Variants in COL4A3 observed in about 807,000 individuals in gnomAD.
COL4A3 encodes the protein collagen type IV alpha 3 chain, also known as collagen alpha-3(IV) chain.
COL4A3 carries 135 observed loss-of-function variants against 217.4 expected under a neutral mutation model. That is an observed-to-expected ratio of 0.62 (90% CI 0.54 to 0.72). The LOEUF (loss-of-function observed/expected upper bound fraction) is 0.72. COL4A3 is among the 30% of genes least tolerant of loss of function. COL4A3 has a pLI of 0.00. For synonymous variants in COL4A3, 690 were observed against 736.3 expected (o/e 0.94, Z 1.02); for missense variants, 1,868 against 2,119.9 (o/e 0.88, Z 2.33).
intron 1 of COL4A3, among the ~76,000 whole-genome samples, chr2:227,200,506 T>C (rs1365785985): frequency 6.6e-6 from 1 of 152,184 alleles, no homozygotes; most frequent in Non-Finnish European, 1.5e-5. Context: ...GCCTAAAGAA[T>C]GCATATAGAT....
In COL4A3 at chr2:227,289,254, G is replaced by A. The variant is rs368497326; in HGVS notation, c.2980+6G>A. The A allele has an allele frequency of 3.7e-6, 6 of 1,609,028 alleles. No homozygotes were observed. In the African/African-American group the frequency reaches 5.3e-5, roughly 14 times the overall value. Reference sequence around the variant, plus strand: ...CGGACCAGCAGGACCACCAGGTACAGCTGATTCTCAAATAGAAAAATATCA... The same window carrying A: ...CGGACCAGCAGGACCACCAGGTACAACTGATTCTCAAATAGAAAAATATCA... On this transcript the variant is annotated splice_donor_region_variant and intron_variant, in intron 35 of 51. Transcript: ENST00000396578.
intron 22 of COL4A3, among the ~76,000 whole-genome samples, 178 bp from the exon 23 acceptor site, chr2:227,266,815 T>C (rs1326231362): frequency 1.3e-5 from 2 of 152,220 alleles, no homozygotes; most frequent in Non-Finnish European, 1.5e-5. Context: ...GCTCAGAACA[T>C]TAAAGTAAGC....
At position 227,256,328 on chromosome 2, in the gene COL4A3, T is replaced by G; in HGVS notation, c.934-15T>G. ...CTGTGTCTTCTGACCCATTTCTTTTTGTTCTTTTCTTTAGGGAGTCAAGGG... is the reference window on the plus strand; with the variant it reads ...CTGTGTCTTCTGACCCATTTCTTTTGGTTCTTTTCTTTAGGGAGTCAAGGG... On this transcript the variant is annotated splice_polypyrimidine_tract_variant and intron_variant, in intron 16 of 51. Coordinates refer to ENST00000396578, the MANE Select transcript of COL4A3 (RefSeq NM_000091.5). The G allele has an allele frequency of 6.2e-7, 1 of 1,613,260 alleles. No homozygotes were observed. Among genetic ancestry groups the G allele is most frequent in the East Asian group, 2.2e-5 (1 of 44,858 alleles).
intron 1 of COL4A3, among the ~76,000 whole-genome samples, chr2:227,169,767 G>A (rs1313082232): frequency 6.6e-6 from 1 of 152,028 alleles, no homozygotes; most frequent in East Asian, 1.9e-4. Flanking sequence ...ATTTGTTTGA[G>A]TTCATTGTAG....
chr2:227,282,762 C>T lies in COL4A3; in HGVS notation c.2656+230C>T, dbSNP rs375287418. Among the ~76,000 whole-genome samples the T allele has an allele frequency of 1.1e-4, 17 of 152,238 alleles. 1 individual carries two copies. In the South Asian group the frequency reaches 1.2e-3, roughly 11 times the overall value. ...TTTGCTGTGTAATCCTTTTTATATA[C>T]GACTACTATAATATACTTGCTAGTA... On this transcript the variant is annotated intron_variant, in intron 32 of 51. Coordinates refer to ENST00000396578, the MANE Select transcript of COL4A3 (RefSeq NM_000091.5). This position sits in a 1 kb window ranked among gnomAD's most constrained non-coding sequence, Gnocchi z 4.4.
chr2:227,257,919 C>G (rs905594128), intron 18 of COL4A3, among the ~76,000 whole-genome samples: 1 of 152,162 alleles, frequency 6.6e-6, no homozygotes, highest in Non-Finnish European at 1.5e-5. Context: ...CAAGGTGATC[C>G]TGCCCCTTCA....
intron 37 of COL4A3, among the ~76,000 whole-genome samples, chr2:227,292,216 A>G (rs1366940663): frequency 6.6e-6 from 1 of 152,190 alleles, no homozygotes; most frequent in Admixed American, 6.5e-5. Context: ...TCCACCAGCT[A>G]TAGTCTCCAG....
chr2:227,309,209 C>G lies in COL4A3; in HGVS notation c.4646C>G (p.Thr1549Ser). Reference sequence around the variant, plus strand: ...GTCTTTGTTTCATGTTACAGATGCACTGTTTGTGAAGGTCCTGCGATCGCC... The same window carrying G: ...GTCTTTGTTTCATGTTACAGATGCAGTGTTTGTGAAGGTCCTGCGATCGCC... ...RALEPYISRCTVCEGPAIAIA... is the reference protein window; with the variant it reads ...RALEPYISRCSVCEGPAIAIA... Residue 1549 changes from threonine (T) to serine (S), a missense_variant, in exon 50 of 52, where the codon ACT (threonine) becomes AGT (serine). Around this residue, in one of 2 missense-constraint regions of COL4A3, gnomAD observed 1,503 missense variants for 1,786.1 expected, o/e 0.84. Coordinates refer to ENST00000396578, the MANE Select transcript of COL4A3 (RefSeq NM_000091.5). 6.2e-7 allele frequency: 1 copy of G among 1,614,156 alleles called. No homozygotes were observed. Among genetic ancestry groups the G allele is most frequent in the Non-Finnish European group, 8.5e-7 (1 of 1,179,968 alleles).
chr2:227,277,423 G>A, intron 27 of COL4A3, 26 bp from the exon 28 acceptor site: 1 of 1,373,114 alleles, frequency 7.3e-7, no homozygotes, highest in Non-Finnish European at 1.0e-6. Context: ...CTGATGTGGA[G>A]ATGCATATGT....
At chr2:227,249,230 A>ATATATATTTTTTTTT in intron 9 of COL4A3, among the ~76,000 whole-genome samples, 6 of 14,692 alleles carry the variant, frequency 4.1e-4, no homozygotes, top group African/African-American at 8.0e-4. Context: ...ATATATATAT[A>ATATATATTTTTTTTT]TTTTTTTTTT....
In COL4A3 at chr2:227,282,286, A is replaced by ATG. The variant is rs1271471931; in HGVS notation, c.2489-78_2489-77insGT. 1 of 589,644 alleles carries ATG rather than the reference A, an allele frequency of 1.7e-6. No individual in the cohort carries two copies. Among genetic ancestry groups the ATG allele is most frequent in the African/African-American group, 2.1e-5 (1 of 48,024 alleles). 36.5% of individuals were successfully genotyped at this position (589,644 alleles called of 1,614,324 possible). On this transcript the variant is annotated intron_variant, in intron 31 of 51. Coordinates refer to ENST00000396578, the MANE Select transcript of COL4A3 (RefSeq NM_000091.5). The surrounding 1 kb of genome is among the most constrained non-coding windows in gnomAD (Gnocchi z 4.4). ...GATTCCATCTTAAAAATATATATAT[A>ATG]TATATATATATATATTTCTGAAGTT...
chr2:227,260,395 T>TA (rs2070477941), intron 19 of COL4A3, among the ~76,000 whole-genome samples: 1 of 152,216 alleles, frequency 6.6e-6, no homozygotes, highest in South Asian at 2.1e-4. Context: ...TGGGAACTTC[T>TA]ATAATGGCCT....
In COL4A3 at chr2:227,251,454, T is replaced by TCAC; in HGVS notation, c.645+84_645+86dup. On this transcript the variant is annotated intron_variant, in intron 11 of 51. Transcript: ENST00000396578. ...AACCTGGTCTGCTTCTTCATGTGGG[T>TCAC]CACTGTTAGGCACCTCTCTGGAACT... 2.3e-6 allele frequency: 3 copies of TCAC among 1,315,286 alleles called. No individual in the cohort carries two copies. In the South Asian group the frequency reaches 3.7e-5, roughly 16 times the overall value. The allele number at this position is 1,315,286 out of a possible 1,614,324, so 81.5% of individuals were successfully genotyped here. A position where few individuals can be genotyped will look rare whatever the true frequency, so the allele number is the denominator to read the frequency against.
At chr2:227,263,096 TA>T (rs11377072) in intron 20 of COL4A3, among the ~76,000 whole-genome samples, 1 of 152,054 alleles carries the variant, frequency 6.6e-6, no homozygotes, top group East Asian at 1.9e-4. Context: ...AAAATATGAT[TA>T]AAAAAATACA....
chr2:227,246,070 A>C (rs1574674236), intron 6 of COL4A3, 54 bp downstream of exon 6: 2 of 1,402,770 alleles, frequency 1.4e-6, no homozygotes, highest in East Asian at 4.6e-5. Flanking sequence ...GAATGATTAA[A>C]TCAAGGTGAA....
intron 1 of COL4A3, among the ~76,000 whole-genome samples, chr2:227,212,981 CTT>C (rs1456287647): frequency 9.2e-5 from 14 of 152,188 alleles, no homozygotes; most frequent in African/African-American, 3.1e-4. Context: ...AAACATGGCT[CTT>C]GACTCAATAA....
intron 1 of COL4A3, among the ~76,000 whole-genome samples, chr2:227,174,163 T>TTAGCATTGTAATTTGAC (rs1289751764): frequency 6.6e-6 from 1 of 152,236 alleles, no homozygotes; most frequent in African/African-American, 2.4e-5. Flanking sequence ...TCTATACAAA[T>TTAGCATTGTAATTTGAC]TAGCATTGTA....
At chr2:227,204,603 T>A (rs972931599) in intron 1 of COL4A3, among the ~76,000 whole-genome samples, 9 of 152,194 alleles carry the variant, frequency 5.9e-5, no homozygotes, top group African/African-American at 2.2e-4. Flanking sequence ...GGCATTTTCC[T>A]TCTGAATGCC....
chr2:227,244,785 A>G (rs1176471548), intron 4 of COL4A3, 166 bp from the exon 5 acceptor site: 2 of 804,844 alleles, frequency 2.5e-6, no homozygotes, highest in Non-Finnish European at 4.3e-6. Flanking sequence ...GAGATTTACA[A>G]AAGTTTGTTA....
Sources: gnomAD v4.1 joint callset for allele counts (sites outside exome capture counted in the v4.1 genomes callset) on GRCh38, gnomAD v4.1.1 for gene constraint, gnomAD v4.1.1 regional missense constraint, Gnocchi (gnomAD v3.1) non-coding constraint, MANE v1.5 for transcripts, NCBI Gene and HGNC (gene_info 2026-07-23, HGNC 2026-07-21) for gene names.